The following SORCS2 variants were observed in gnomAD, a reference collection of about 807,000 sequenced individuals.
SORCS2 encodes the protein sortilin related VPS10 domain containing receptor 2.
In SORCS2, 100 loss-of-function variants were observed where a neutral mutation model predicts 141.6. That is an observed-to-expected ratio of 0.71 (90% CI 0.60 to 0.83). SORCS2 has a LOEUF of 0.83. Ranked by LOEUF, SORCS2 falls within the 40% of genes least tolerant of loss-of-function variation. The pLI, the probability that SORCS2 is intolerant of heterozygous loss-of-function variation, is 0.00. For synonymous variants in SORCS2, 789 were observed against 676.9 expected (o/e 1.17, Z -2.57); for missense variants, 1,646 against 1,560.2 (o/e 1.05, Z -0.93).
In SORCS2 at chr4:7,201,582, G is replaced by A. The variant is rs1727485458; in HGVS notation, c.480+8456G>A. Among the ~76,000 whole-genome samples the A allele has an allele frequency of 2.0e-5, 3 of 152,170 alleles. No homozygotes were observed. Among genetic ancestry groups the A allele is most frequent in the African/African-American group, 4.8e-5 (2 of 41,444 alleles). On this transcript the variant is annotated intron_variant, in intron 1 of 26. Transcript: ENST00000507866. This position sits in a 1 kb window ranked among gnomAD's most constrained non-coding sequence, Gnocchi z 4.4. Reference sequence around the variant, plus strand: ...TCGATGGAGAGCAGACTGGAGTGACGGGCGAATCAGCTGGGACGCTGCCGA... The same window carrying A: ...TCGATGGAGAGCAGACTGGAGTGACAGGCGAATCAGCTGGGACGCTGCCGA...
Position 7,244,136 on chromosome 4 carries a change from G to A in SORCS2, c.480+51010G>A, listed in dbSNP as rs77423233. Among the ~76,000 whole-genome samples, 522 of 152,290 alleles carry A rather than the reference G, an allele frequency of 3.4e-3. 4 individuals are homozygous for A. The highest frequency in any genetic ancestry group is 0.012 in the African/African-American group (502 of 41,550). ...ACTTCTGAAGCACATAGGAAGGGGC[G>A]GCTCCCCTGGGAACAGGGGCTGTGC... is the stretch of plus-strand genomic sequence containing the variant. On this transcript the variant is annotated intron_variant, in intron 1 of 26. Coordinates refer to ENST00000507866, the MANE Select transcript of SORCS2 (RefSeq NM_020777.3).
chr4:7,637,498 C>T (rs1479797316), intron 3 of SORCS2, among the ~76,000 whole-genome samples: 1 of 152,252 alleles, frequency 6.6e-6, no homozygotes, highest in South Asian at 2.1e-4. Context: ...AATGGATTCA[C>T]GTTCATGGCA....
In SORCS2 at chr4:7,740,784, G is replaced by A; in HGVS notation, c.*520G>A. On this transcript the variant is annotated 3_prime_UTR_variant, in exon 27 of 27. Transcript: ENST00000507866. ...CCTCCCAACACCACACCACCCTCCA[G>A]GCCCCCCTGCCCTCCGGCTGGAAAC... 1 of 352,668 alleles carries A rather than the reference G, an allele frequency of 2.8e-6. No homozygotes were observed. Among genetic ancestry groups the A allele is most frequent in the Non-Finnish European group, 5.1e-6 (1 of 197,272 alleles). The allele number at this position is 352,668 out of a possible 1,614,324, so 21.8% of individuals were successfully genotyped here.
intron 3 of SORCS2, among the ~76,000 whole-genome samples, chr4:7,579,077 A>G (rs938312560): frequency 6.6e-6 from 1 of 152,002 alleles, no homozygotes; most frequent in Admixed American, 6.5e-5. Context: ...TAATGCCCAC[A>G]TGTCCTCTCT....
intron 1 of SORCS2, among the ~76,000 whole-genome samples, chr4:7,209,435 G>C (rs898430298): frequency 6.6e-6 from 1 of 152,104 alleles, no homozygotes; most frequent in African/African-American, 2.4e-5. Flanking sequence ...TGTGTAGAGA[G>C]TCAGGCCAGG....
chr4:7,368,497 C>A (rs1320056847), intron 1 of SORCS2, among the ~76,000 whole-genome samples: 1 of 152,188 alleles, frequency 6.6e-6, no homozygotes, highest in Non-Finnish European at 1.5e-5. Flanking sequence ...CTGGGTCCCC[C>A]CAGCAGCCAG....
intron 4 of SORCS2, among the ~76,000 whole-genome samples, chr4:7,643,204 T>C (rs1720855355): frequency 6.6e-6 from 1 of 152,174 alleles, no homozygotes; most frequent in Non-Finnish European, 1.5e-5. Flanking sequence ...TGGACAGCCT[T>C]CCTGGGTGAC....
At chr4:7,734,522 G>C in intron 25 of SORCS2, 148 bp downstream of exon 25, 2 of 612,966 alleles carry the variant, frequency 3.3e-6, no homozygotes, top group Non-Finnish European at 5.5e-6. Context: ...GGGCTGCAGG[G>C]GGAGGTGCTT....
intron 1 of SORCS2, among the ~76,000 whole-genome samples, chr4:7,268,482 G>A (rs1369170873): frequency 6.6e-6 from 1 of 152,326 alleles, no homozygotes; most frequent in East Asian, 1.9e-4. Flanking sequence ...AAGCTGTGCC[G>A]ATGGCCACCC....
intron 3 of SORCS2, among the ~76,000 whole-genome samples, chr4:7,540,638 G>T (rs903089711): frequency 3.9e-5 from 6 of 152,186 alleles, no homozygotes; most frequent in African/African-American, 1.4e-4. Context: ...TCCTCCCGAG[G>T]GTCTGGCCAG....
At chr4:7,559,356 C>T (rs1714363491) in intron 3 of SORCS2, among the ~76,000 whole-genome samples, 1 of 152,182 alleles carries the variant, frequency 6.6e-6, no homozygotes, top group South Asian at 2.1e-4. Context: ...CATCCTGAGC[C>T]ACTCTAGGGG....
chr4:7,480,966 T>C (rs749233278), intron 2 of SORCS2, among the ~76,000 whole-genome samples: 2 of 152,234 alleles, frequency 1.3e-5, no homozygotes, highest in Non-Finnish European at 2.9e-5. Context: ...AAGATAGGCC[T>C]GTGAGGTGAC....
intron 3 of SORCS2, among the ~76,000 whole-genome samples, chr4:7,532,281 A>G (rs1171214814): frequency 6.6e-6 from 1 of 152,180 alleles, no homozygotes; most frequent in East Asian, 1.9e-4. Flanking sequence ...CATTCAGCAA[A>G]GCAGTTCACG....
intron 1 of SORCS2, among the ~76,000 whole-genome samples, chr4:7,337,446 C>G (rs2108980610): frequency 6.6e-6 from 1 of 152,254 alleles, no homozygotes; most frequent in Non-Finnish European, 1.5e-5. Context: ...CAGACTCATA[C>G]TTGGTGGAAG....
Position 7,286,752 on chromosome 4 carries a change from C to T in SORCS2, c.480+93626C>T, listed in dbSNP as rs867683009. On this transcript the variant is annotated intron_variant, in intron 1 of 26. Coordinates refer to ENST00000507866, the MANE Select transcript of SORCS2 (RefSeq NM_020777.3). The surrounding 1 kb of genome is among the most constrained non-coding windows in gnomAD (Gnocchi z 4.1). ...AGAGGTTGCACATGTTCACGGGCCT[C>T]GGTTAACCAGAGCAGATGATAACTG... is the stretch of plus-strand genomic sequence containing the variant. Among the ~76,000 whole-genome samples the T allele has an allele frequency of 7.9e-5, 12 of 152,186 alleles. No individual in the cohort carries two copies. The highest frequency in any genetic ancestry group is 1.3e-4 in the Admixed American group (2 of 15,288).
At chr4:7,337,570 A>G (rs1010647262) in intron 1 of SORCS2, among the ~76,000 whole-genome samples, 14 of 152,120 alleles carry the variant, frequency 9.2e-5, no homozygotes, top group Non-Finnish European at 2.1e-4. Context: ...GGTGGCTGAC[A>G]AGACAAGGCT....
At chr4:7,230,318 C>A (rs112625407) in intron 1 of SORCS2, among the ~76,000 whole-genome samples, 156 of 81,204 alleles carry the variant, frequency 1.9e-3, no homozygotes, top group Admixed American at 2.0e-3. Context: ...TGAAGATGGT[C>A]AAGTCTTCCA....
chr4:7,311,390 C>G (rs1012585526), intron 1 of SORCS2, among the ~76,000 whole-genome samples: 1 of 152,202 alleles, frequency 6.6e-6, no homozygotes, highest in African/African-American at 2.4e-5. Flanking sequence ...CCTATACGAG[C>G]TTTCGTGGAG....
chr4:7,225,997 C>T (rs1171023071), intron 1 of SORCS2, among the ~76,000 whole-genome samples: 1 of 152,210 alleles, frequency 6.6e-6, no homozygotes, highest in Non-Finnish European at 1.5e-5. Flanking sequence ...CCCTGTCTCT[C>T]ACTGAGAGCA....
Sources: gnomAD v4.1 joint callset for allele counts (sites outside exome capture counted in the v4.1 genomes callset) on GRCh38, gnomAD v4.1.1 for gene constraint, Gnocchi (gnomAD v3.1) non-coding constraint, MANE v1.5 for transcripts, NCBI Gene and HGNC (gene_info 2026-07-23, HGNC 2026-07-21) for gene names.